The following CHD1 variants were observed in gnomAD, a reference collection of about 807,000 sequenced individuals.
The protein encoded by CHD1 is ATP-dependent chromatin remodeler CHD1.
Under a neutral mutation model 224.2 loss-of-function variants are expected in CHD1, and 36 were observed. The ratio of observed to expected loss-of-function variants is 0.16; its 90% CI spans 0.12 to 0.21. The LOEUF (loss-of-function observed/expected upper bound fraction) is 0.21. Among genes scored for constraint, CHD1 ranks in the 10% least tolerant of loss-of-function variants. CHD1 has a pLI of 1.00. For missense variants in CHD1, 1,378 were observed against 1,994.8 expected, an observed-to-expected ratio of 0.69 and a Z score of 5.89; for synonymous variants, 668 against 658.3, an observed-to-expected ratio of 1.01 and a Z score of -0.23.
intron 3 of CHD1, among the ~76,000 whole-genome samples, chr5:98,904,338 C>A (rs1469690050): frequency 2.0e-5 from 3 of 152,190 alleles, no homozygotes; most frequent in Admixed American, 2.0e-4. Context: ...GATTTATATT[C>A]TGGCCCTCAA....
Position 98,901,286 on chromosome 5 carries a change from C to T in CHD1, c.487G>A (p.Asp163Asn). The T allele has an allele frequency of 4.3e-6, 7 of 1,613,712 alleles. No individual in the cohort carries two copies. The highest frequency in any genetic ancestry group is 5.9e-6 in the Non-Finnish European group (7 of 1,179,886). The change falls in exon 6 of 36, where the codon GAT (aspartate) becomes AAT (asparagine). Residue 163 changes from aspartate to asparagine, a missense_variant. Physicochemically the swap from Asp to Asn is conservative, Grantham distance 23. Transcript: ENST00000614616. ...TCTCTCTCTTCTTCAGATTCTGAATCTGAACCAGACTGAGATGGAGATCCT... is the reference window on the plus strand; with the variant it reads ...TCTCTCTCTTCTTCAGATTCTGAATTTGAACCAGACTGAGATGGAGATCCT... ...GSGSPSQSGS[D>N]SESEEEREKS... is the part of the protein sequence containing the mutation.
At chr5:98,909,253 C>T (rs144692360) in intron 2 of CHD1, among the ~76,000 whole-genome samples, 1 of 152,214 alleles carries the variant, frequency 6.6e-6, no homozygotes, top group Non-Finnish European at 1.5e-5. Flanking sequence ...TTTTGCTAAG[C>T]GCACCCTTGT....
intron 23 of CHD1, among the ~76,000 whole-genome samples, chr5:98,877,965 G>T (rs1749885995): frequency 6.6e-6 from 1 of 152,142 alleles, no homozygotes. Flanking sequence ...ACATCTAAAT[G>T]TAAGGATATA....
Position 98,903,869 on chromosome 5 carries a change from A to G in CHD1, c.295T>C (p.Ser99Pro). 1.9e-6 allele frequency: 3 copies of G among 1,612,516 alleles called. No homozygotes were observed. The highest frequency in any genetic ancestry group is 2.5e-6 in the Non-Finnish European group (3 of 1,179,066). ...SSPSILAVQR[S>P]AILKKQQQQQ... Reference sequence around the variant, plus strand: ...TGTTGCTGCTTCTTGAGGATTGCAGATCTCTGAACGGCCAGAATACTAGGA... The same window carrying G: ...TGTTGCTGCTTCTTGAGGATTGCAGGTCTCTGAACGGCCAGAATACTAGGA... Residue 99 changes from serine (S) to proline (P), a missense_variant, in exon 4 of 36, where the codon TCT becomes CCT. Physicochemically the swap from Ser to Pro is moderately conservative, Grantham distance 74 (BLOSUM62 -1). Coordinates refer to ENST00000614616, the MANE Select transcript of CHD1 (RefSeq NM_001270.4).
intron 23 of CHD1, among the ~76,000 whole-genome samples, chr5:98,877,225 C>T (rs562926192): frequency 6.6e-6 from 1 of 152,166 alleles, no homozygotes; most frequent in South Asian, 2.1e-4. Flanking sequence ...CCAGACAAAT[C>T]TATACGATAG....
Position 98,873,664 on chromosome 5 carries a change from C to G in CHD1, c.3500G>C (p.Arg1167Pro). ...LVDKSETDLR[R>P]LGELVHNGCI... ...ACCATTATGTACCAATTCTCCCAGT[C>G]GTCTAAGGTCTGTTTCTGACTTATC... Residue 1167 changes from arginine (R) to proline (P), a missense_variant, in exon 26 of 36, where the codon CGA becomes CCA. Arg to Pro is a moderately radical substitution (Grantham distance 103). This residue lies in a region of CHD1 where 286 missense variants were observed against 445.1 expected (regional missense o/e 0.64). Coordinates refer to ENST00000614616, the MANE Select transcript of CHD1 (RefSeq NM_001270.4). 1 of 1,610,354 alleles carries G rather than the reference C, an allele frequency of 6.2e-7. No individual in the cohort carries two copies. The highest frequency in any genetic ancestry group is 8.5e-7 in the Non-Finnish European group (1 of 1,178,502).
intron 5 of CHD1, 77 bp from the exon 6 acceptor site, chr5:98,901,412 T>G (rs1751703804): frequency 5.3e-6 from 6 of 1,141,530 alleles, no homozygotes; most frequent in Non-Finnish European, 7.4e-6. Context: ...GATGATCAAA[T>G]CAACCAAACT....
intron 35 of CHD1, 131 bp downstream of exon 35, chr5:98,858,046 TACA>T (rs1748172341): frequency 6.2e-6 from 4 of 645,050 alleles, no homozygotes; most frequent in South Asian, 4.1e-5. Flanking sequence ...CTTAATTATA[TACA>T]ACACCTTTAT....
At chr5:98,873,415 C>T (rs1208117473) in intron 26 of CHD1, among the ~76,000 whole-genome samples, 178 bp downstream of exon 26, 1 of 152,096 alleles carries the variant, frequency 6.6e-6, no homozygotes, top group Non-Finnish European at 1.5e-5. Flanking sequence ...GATTCTACTG[C>T]CTTCGAATTG....
At chr5:98,873,190 T>A (rs1426579505) in intron 26 of CHD1, among the ~76,000 whole-genome samples, 1 of 152,168 alleles carries the variant, frequency 6.6e-6, no homozygotes, top group East Asian at 1.9e-4. Flanking sequence ...ATAAGCATAA[T>A]AATAAAATAA....
intron 18 of CHD1, among the ~76,000 whole-genome samples, chr5:98,883,535 G>A (rs1039625928): frequency 2.0e-5 from 3 of 151,848 alleles, no homozygotes; most frequent in Non-Finnish European, 4.4e-5. Context: ...GAACTCTATG[G>A]AAAACAGCGT....
intron 32 of CHD1, among the ~76,000 whole-genome samples, chr5:98,862,100 C>T (rs1467141599): frequency 1.3e-5 from 2 of 151,946 alleles, no homozygotes; most frequent in Non-Finnish European, 2.9e-5. Context: ...GAGGATGCAG[C>T]GAGCTGAGAT....
At chr5:98,874,644 G>A (rs1029452084) in intron 25 of CHD1, among the ~76,000 whole-genome samples, 25 of 151,424 alleles carry the variant, frequency 1.7e-4, no homozygotes, top group Admixed American at 1.3e-3. Flanking sequence ...CCCATGAGGT[G>A]GAGGTTACAG....
intron 2 of CHD1, 99 bp downstream of exon 2, chr5:98,926,235 C>T: frequency 1.4e-6 from 1 of 727,730 alleles, no homozygotes; most frequent in Non-Finnish European, 2.3e-6. Flanking sequence ...AACTCTGCTA[C>T]CTATGAGGAA....
In CHD1 at chr5:98,928,980, C is replaced by A; in HGVS notation, c.-590G>T. ...CCCGCGCGACGTAAGCGCCTCTGCTCACTCCCCTTCCCGACAGAGCGCGAG... is the reference window on the plus strand; with the variant it reads ...CCCGCGCGACGTAAGCGCCTCTGCTAACTCCCCTTCCCGACAGAGCGCGAG... On this transcript the variant is annotated 5_prime_UTR_variant, in exon 1 of 36. Coordinates refer to ENST00000614616, the MANE Select transcript of CHD1 (RefSeq NM_001270.4). 6.5e-6 allele frequency: 1 copy of A among 153,158 alleles called. No individual in the cohort carries two copies. The highest frequency in any genetic ancestry group is 1.9e-4 in the South Asian group (1 of 5,214). The allele number at this position is 153,158 out of a possible 1,614,324, so 9.5% of individuals were successfully genotyped here. A position where few individuals can be genotyped will look rare whatever the true frequency, so the allele number is the denominator to read the frequency against.
rs951528887 is a variant in CHD1, at chr5:98,908,323, C to T, written c.54-3225G>A. 3.3e-5 allele frequency among the ~76,000 whole-genome samples: 5 copies of T among 152,138 alleles called. No individual in the cohort carries two copies. The South Asian group carries it at 6.2e-4, about 19-fold the overall frequency. On this transcript the variant is annotated intron_variant, in intron 2 of 35. Transcript: ENST00000614616. ...CAGCAAATCTCTGCCAACTCTATCC[C>T]AACCCAACGTTAAATCAGGTTTACT... is the stretch of plus-strand genomic sequence containing the variant.
intron 2 of CHD1, among the ~76,000 whole-genome samples, chr5:98,919,925 G>T (rs918097622): frequency 4.6e-5 from 7 of 152,098 alleles, no homozygotes; most frequent in African/African-American, 1.4e-4. Flanking sequence ...CCAAAAAAAT[G>T]GAACCAAGGC....
rs528520120 is a variant in CHD1 at position 98,861,801 on chromosome 5, C to T, written c.4427+1607G>A. Among the ~76,000 whole-genome samples, 12 of 152,018 alleles carry T rather than the reference C, an allele frequency of 7.9e-5. No individual in the cohort carries two copies. The South Asian group carries it at 2.5e-3, about 32-fold the overall frequency. On this transcript the variant is annotated intron_variant, in intron 32 of 35. Transcript: ENST00000614616. ...ATAGGCATGAGCCATTGTGCCCAGC[C>T]CACAATGACTGTTCTTGAGGGGATC...
At position 98,870,686 on chromosome 5, in the gene CHD1, C is replaced by CGGT. The variant is rs747530695; in HGVS notation, c.3978_3978+1insACC (p.Ala1326_Gly1327insThr). ...TCTTAGGCATGTGGGCTTTAACTTA[C>CGGT]CGCACCAGAAAGAGCTTCTTTTTTT... On this transcript the variant is annotated inframe_insertion and splice_region_variant. Coordinates refer to ENST00000614616, the MANE Select transcript of CHD1 (RefSeq NM_001270.4). 1.3e-6 allele frequency: 2 copies of CGGT among 1,573,446 alleles called. No individual in the cohort carries two copies. Among genetic ancestry groups the CGGT allele is most frequent in the African/African-American group, 1.4e-5 (1 of 73,278 alleles).
Sources: allele counts gnomAD v4.1 joint callset (sites outside exome capture counted in the v4.1 genomes callset), GRCh38; gene constraint gnomAD v4.1.1; regional missense constraint gnomAD v4.1.1; transcripts MANE v1.5; gene names NCBI Gene and HGNC (gene_info 2026-07-23, HGNC 2026-07-21).